HELZ: variants seen among roughly 807,000 people sequenced by gnomAD.
HELZ encodes ATP-dependent RNA helicase with zinc finger domain.
HELZ carries 23 observed loss-of-function variants against 218.2 expected under a neutral mutation model. That is an observed-to-expected ratio of 0.11 (90% CI 0.08 to 0.15). The LOEUF (loss-of-function observed/expected upper bound fraction) is 0.15. Ranked by LOEUF, HELZ falls within the 10% of genes least tolerant of loss-of-function variation. HELZ has a pLI of 1.00. For synonymous variants in HELZ, 814 were observed against 829.4 expected (o/e 0.98, Z 0.32); for missense variants, 1,813 against 2,353.7 (o/e 0.77, Z 4.75).
At position 67,077,163 on chromosome 17, in the gene HELZ, C is replaced by G. The variant is rs1332389283; in HGVS notation, c.*1089G>C. On this transcript the variant is annotated 3_prime_UTR_variant, in exon 33 of 33. Coordinates refer to ENST00000358691, the MANE Select transcript of HELZ (RefSeq NM_014877.4). ...CCCCAGATTCTGATGAATTTTGATA[C>G]ATTTTTGACAAACATTATATTTCTT... 6.6e-6 allele frequency: 1 copy of G among 152,544 alleles called. No homozygotes were observed. The highest frequency in any genetic ancestry group is 1.5e-5 in the Non-Finnish European group (1 of 68,010). The allele number at this position is 152,544 out of a possible 1,614,324, so 9.4% of individuals were successfully genotyped here.
At chr17:67,153,614 AATGAG>A (rs1276196694) in intron 17 of HELZ, among the ~76,000 whole-genome samples, 1 of 152,200 alleles carries the variant, frequency 6.6e-6, no homozygotes, top group African/African-American at 2.4e-5. Context: ...GGGGAAATCA[AATGAG>A]ATAACAGATG....
At chr17:67,149,769 G>A (rs551678834) in intron 19 of HELZ, 98 bp downstream of exon 19, 2 of 630,370 alleles carry the variant, frequency 3.2e-6, no homozygotes, top group East Asian at 5.9e-5. Context: ...AAGTTATAAT[G>A]CATGGCATAA....
rs1337901885 is a variant in HELZ at position 67,167,725 on chromosome 17, T to A, written c.1502A>T (p.Tyr501Phe). ...MLTGVSGGAKYAQNGQLFGRF... is the reference protein window; with the variant it reads ...MLTGVSGGAKFAQNGQLFGRF... ...ACCAAAAAGTTGTCCATTCTGAGCA[T>A]ACTTTGCACCTCCAGAAACACCAGT... is the stretch of plus-strand genomic sequence containing the variant. The change falls in exon 14 of 33, where the codon TAT becomes TTT. Residue 501 changes from tyrosine (Y) to phenylalanine (F), a missense_variant. Tyr to Phe is a conservative substitution (Grantham distance 22). Transcript: ENST00000358691. The A allele has an allele frequency of 6.2e-7, 1 of 1,614,072 alleles. No homozygotes were observed. Among genetic ancestry groups the A allele is most frequent in the East Asian group, 2.2e-5 (1 of 44,888 alleles).
chr17:67,078,977 A>C (rs2036102026), intron 32 of HELZ, among the ~76,000 whole-genome samples: 1 of 152,226 alleles, frequency 6.6e-6, no homozygotes, highest in Admixed American at 6.5e-5. Flanking sequence ...CTTGGTCAAA[A>C]CAGCTTTTAT....
At chr17:67,221,254 G>A (rs2040737794) in intron 3 of HELZ, among the ~76,000 whole-genome samples, 1 of 152,204 alleles carries the variant, frequency 6.6e-6, no homozygotes, top group Admixed American at 6.5e-5. Flanking sequence ...GCAGATGTCA[G>A]TAGCACGTCC....
At chr17:67,200,366 A>G (rs1004082607) in intron 7 of HELZ, among the ~76,000 whole-genome samples, 4 of 152,074 alleles carry the variant, frequency 2.6e-5, no homozygotes, top group Admixed American at 1.3e-4. Flanking sequence ...TTATCCTCAT[A>G]CACATTATTT....
rs1231016570 is a variant in HELZ, at chr17:67,128,732, C to T, written c.3306G>A (p.Pro1102=). The change falls in exon 24 of 33, where the codon CCG becomes CCA. Residue 1102 remains proline (P), a synonymous_variant. Coordinates refer to ENST00000358691, the MANE Select transcript of HELZ (RefSeq NM_014877.4). ...LELKKTYVLN[P]LAPEFIPRAL... is the part of the protein sequence containing the mutation. The stretch of plus-strand genomic sequence containing the variant: ...CCCGGGGGATAAATTCAGGTGCCAG[C>T]GGATTCAACACATATGTCTTCTTTA... 11 of 1,613,968 alleles carry T rather than the reference C, an allele frequency of 6.8e-6. No individual in the cohort carries two copies. Among genetic ancestry groups the T allele is most frequent in the South Asian group, 5.5e-5 (5 of 91,082 alleles).
intron 13 of HELZ, 113 bp from the exon 14 acceptor site, chr17:67,167,909 A>G: frequency 1.4e-6 from 1 of 714,128 alleles, no homozygotes; most frequent in South Asian, 2.1e-5. Flanking sequence ...AAACCATTAT[A>G]TCAATTCCAC....
At chr17:67,164,503 G>A (rs1463894634) in intron 15 of HELZ, among the ~76,000 whole-genome samples, 1 of 152,234 alleles carries the variant, frequency 6.6e-6, no homozygotes, top group East Asian at 1.9e-4. Context: ...AGTTCTGCAA[G>A]ACGAAAAAGT....
At position 67,179,839 on chromosome 17, in the gene HELZ, T is replaced by C. The variant is rs75698640; in HGVS notation, c.1163-913A>G. ...GGTTTCACAACTCAGATTAAAATTTTAGGAAGAAATAATTAAAAGTTAGAC... is the reference window on the plus strand; with the variant it reads ...GGTTTCACAACTCAGATTAAAATTTCAGGAAGAAATAATTAAAAGTTAGAC... On this transcript the variant is annotated intron_variant, in intron 12 of 32. Transcript: ENST00000358691. 21 of 152,312 alleles carry C rather than the reference T, an allele frequency of 1.4e-4. No individual in the cohort carries two copies. In the East Asian group the frequency reaches 4.0e-3, roughly 29 times the overall value. 9.4% of individuals were successfully genotyped at this position (152,312 alleles called of 1,614,324 possible). A position where few individuals can be genotyped will look rare whatever the true frequency, so the allele number is the denominator to read the frequency against.
Position 67,087,028 on chromosome 17 carries a change from G to A in HELZ, c.5295C>T (p.Ser1765=). 1.2e-6 allele frequency: 2 copies of A among 1,613,844 alleles called. No individual in the cohort carries two copies. The highest frequency in any genetic ancestry group is 1.7e-6 in the Non-Finnish European group (2 of 1,179,810). ...RPLYQRRISS[S]SVQPCSEEVS... is the part of the protein sequence containing the mutation. Reference sequence around the variant, plus strand: ...CTTCTTCAGAACAAGGTTGAACTGAGCTAGATGAGATTCTTCTTTGGTACA... The same window carrying A: ...CTTCTTCAGAACAAGGTTGAACTGAACTAGATGAGATTCTTCTTTGGTACA... Residue 1765 remains serine (S), a synonymous_variant, in exon 32 of 33, where the codon AGC becomes AGT. Coordinates refer to ENST00000358691, the MANE Select transcript of HELZ (RefSeq NM_014877.4).
At chr17:67,232,708 G>A (rs2041069738) in intron 3 of HELZ, among the ~76,000 whole-genome samples, 1 of 152,212 alleles carries the variant, frequency 6.6e-6, no homozygotes, top group South Asian at 2.1e-4. Context: ...AATTGATGCA[G>A]AGGGAGGAAA....
chr17:67,223,587 T>C (rs1567906631), intron 3 of HELZ, among the ~76,000 whole-genome samples: 1 of 151,592 alleles, frequency 6.6e-6, no homozygotes, highest in African/African-American at 2.4e-5. Context: ...CCCGTCTCTA[T>C]TAAAAATACA....
intron 15 of HELZ, 94 bp from the exon 16 acceptor site, chr17:67,161,170 A>G (rs1413538923): frequency 3.2e-5 from 29 of 899,846 alleles, no homozygotes; most frequent in Non-Finnish European, 4.3e-5. Flanking sequence ...AACCATTAAA[A>G]CCACTGAAAT....
intron 20 of HELZ, among the ~76,000 whole-genome samples, chr17:67,146,731 G>A (rs537062942): frequency 1.3e-5 from 2 of 152,318 alleles, no homozygotes; most frequent in South Asian, 2.1e-4. Context: ...CACATTTTGA[G>A]AGATACAATT....
Position 67,245,196 on chromosome 17 carries a change from C to T in HELZ, c.-180G>A, listed in dbSNP as rs1278483390. The T allele has an allele frequency of 9.1e-6, 9 of 985,364 alleles. No homozygotes were observed. Among genetic ancestry groups the T allele is most frequent in the African/African-American group, 3.5e-5 (2 of 57,192 alleles). 61.0% of individuals were successfully genotyped at this position (985,364 alleles called of 1,614,324 possible). A position where few individuals can be genotyped will look rare whatever the true frequency, so the allele number is the denominator to read the frequency against. On this transcript the variant is annotated 5_prime_UTR_variant, in exon 1 of 33. It adds an upstream start codon to the 5' untranslated region. Transcript: ENST00000358691. ...TTGGATCCACTTGTCAACGTCCCCA[C>T]AAAGCATTATGGGTAAGAAAGAGCC...
chr17:67,153,082 A>G (rs538880766), intron 17 of HELZ, among the ~76,000 whole-genome samples: 79 of 152,294 alleles, frequency 5.2e-4, no homozygotes, highest in African/African-American at 1.8e-3. Flanking sequence ...TGAGCTCAAG[A>G]AAGAAAGAGA....
intron 31 of HELZ, among the ~76,000 whole-genome samples, chr17:67,103,427 A>G (rs2036989330): frequency 6.6e-6 from 1 of 152,196 alleles, no homozygotes; most frequent in South Asian, 2.1e-4. Context: ...TCAATATATC[A>G]TCATGTGGTT....
At chr17:67,155,882 A>C (rs1476942996) in intron 17 of HELZ, among the ~76,000 whole-genome samples, 2 of 151,182 alleles carry the variant, frequency 1.3e-5, no homozygotes, top group Non-Finnish European at 2.9e-5. Context: ...GTCAACAAAT[A>C]TCCAAAACCA....
Sources: gnomAD v4.1 joint callset for allele counts (sites outside exome capture counted in the v4.1 genomes callset) on GRCh38, gnomAD v4.1.1 for gene constraint, MANE v1.5 for transcripts, NCBI Gene and HGNC (gene_info 2026-07-23, HGNC 2026-07-21) for gene names.